CROCC: variants seen among roughly 807,000 people sequenced by gnomAD.
The protein encoded by CROCC is ciliary rootlet coiled-coil, rootletin.
A neutral mutation model predicts 245.2 loss-of-function variants in CROCC; 180 were observed. The ratio of observed to expected loss-of-function variants is 0.73; its 90% CI spans 0.65 to 0.83. The LOEUF (loss-of-function observed/expected upper bound fraction) is 0.83, where lower values mean the gene tolerates loss of function less well. Ranked by LOEUF, CROCC falls within the 40% of genes least tolerant of loss-of-function variation. The probability of loss-of-function intolerance (pLI) is 0.00; values close to 1 mark genes in which losing one functional copy is unlikely to be tolerated. For missense variants in CROCC, 2,688 were observed against 2,779.4 expected, an observed-to-expected ratio of 0.97 and a Z score of 0.74; for synonymous variants, 1,205 against 1,241.6, an observed-to-expected ratio of 0.97 and a Z score of 0.62.
intron 20 of CROCC, 106 bp downstream of exon 20, chr1:16,951,228 T>C (rs1157507565): frequency 9.3e-7 from 1 of 1,072,430 alleles, no homozygotes; most frequent in Admixed American, 3.8e-5. Context: ...TCCTCTCTGT[T>C]GTGGAGGTCC....
intron 3 of CROCC, among the ~76,000 whole-genome samples, chr1:16,926,667 C>A (rs1249333473): frequency 6.6e-5 from 10 of 152,264 alleles, no homozygotes; most frequent in African/African-American, 2.4e-4. Flanking sequence ...CATGGGGGTC[C>A]CCCCTTCTTG....
chr1:16,953,569 G>A lies in CROCC; in HGVS notation c.3186+88G>A, dbSNP rs2076199925. On this transcript the variant is annotated intron_variant, in intron 21 of 36. Transcript: ENST00000375541. ...CTGCTCTGCCACTTGGCAGCTAGGA[G>A]CCCTGGGGCAGGCCACTGCCCTCTT... is the stretch of plus-strand genomic sequence containing the variant. 1.2e-5 allele frequency: 16 copies of A among 1,310,612 alleles called. No individual in the cohort carries two copies. In the South Asian group the frequency reaches 2.3e-4, roughly 19 times the overall value. The allele number at this position is 1,310,612 out of a possible 1,614,324, so 81.2% of individuals were successfully genotyped here. A position where few individuals can be genotyped will look rare whatever the true frequency, so the allele number is the denominator to read the frequency against.
At chr1:16,914,358 G>A (rs1373154875) in intron 1 of CROCC, among the ~76,000 whole-genome samples, 3 of 152,208 alleles carry the variant, frequency 2.0e-5, no homozygotes, top group South Asian at 2.1e-4. Flanking sequence ...GGATTGTCGC[G>A]GGCCGGGGGC....
At chr1:16,952,203 T>A (rs1437371935) in intron 20 of CROCC, among the ~76,000 whole-genome samples, 1 of 136,540 alleles carries the variant, frequency 7.3e-6, no homozygotes, top group Non-Finnish European at 1.6e-5. Flanking sequence ...AGGGGCGGTT[T>A]GGCCGGTCGT....
chr1:16,970,635 G>C lies in CROCC; in HGVS notation c.5653-1G>C. ...TGATCTCCTGTGGCTCTCCTGCCTA[G>C]GTGGAGCGGGAGAAGCTTCGTAGCC... On this transcript the variant is annotated splice_acceptor_variant, in intron 34 of 36. Transcript: ENST00000375541. LOFTEE classifies it high-confidence loss of function. The C allele has an allele frequency of 6.5e-7, 1 of 1,544,464 alleles. No individual in the cohort carries two copies. Among genetic ancestry groups the C allele is most frequent in the Middle Eastern group, 1.8e-4 (1 of 5,670 alleles).
Position 16,930,210 on chromosome 1 carries a change from G to A in CROCC, c.621+3G>A. ...AGCTGGAGCAGCAGCGGCTGAGGGT[G>A]GGTGCCAGTGTGGGGCAGGGGCAGG... is the stretch of plus-strand genomic sequence containing the variant. On this transcript the variant is annotated splice_donor_region_variant and intron_variant, in intron 5 of 36. Transcript: ENST00000375541. The A allele has an allele frequency of 1.3e-6, 2 of 1,588,826 alleles. No individual in the cohort carries two copies. The highest frequency in any genetic ancestry group is 1.7e-6 in the Non-Finnish European group (2 of 1,168,324).
intron 34 of CROCC, 44 bp from the exon 35 acceptor site, chr1:16,970,592 A>G: frequency 1.3e-6 from 2 of 1,497,592 alleles, no homozygotes; most frequent in Non-Finnish European, 1.8e-6. Context: ...CCCCCTCAGT[A>G]AGCTCCTCCT....
At chr1:16,963,697 G>A (rs890838542) in intron 27 of CROCC, among the ~76,000 whole-genome samples, 7 of 142,722 alleles carry the variant, frequency 4.9e-5, no homozygotes, top group African/African-American at 1.3e-4. Context: ...CCACCTCCCC[G>A]GGCCATCACT....
chr1:16,923,464 G>C (rs1279805207), intron 2 of CROCC, among the ~76,000 whole-genome samples: 1 of 152,262 alleles, frequency 6.6e-6, no homozygotes, highest in Non-Finnish European at 1.5e-5. Context: ...TGTATGTCCA[G>C]TTCTCCCAGG....
chr1:16,951,974 C>G (rs544590332), intron 20 of CROCC: 1 of 90,376 alleles, frequency 1.1e-5, no homozygotes, highest in Admixed American at 1.2e-4. Context: ...TCACTGCAAC[C>G]TCCACTTTCT....
intron 3 of CROCC, among the ~76,000 whole-genome samples, chr1:16,928,233 G>T (rs1164004160): frequency 7.3e-4 from 111 of 152,366 alleles, no homozygotes; most frequent in African/African-American, 2.4e-3. Context: ...CTGGGCTGGG[G>T]TGTTGTCGCT....
chr1:16,946,729 C>T (rs1271269903), intron 16 of CROCC, 32 bp from the exon 17 acceptor site: 2 of 1,544,234 alleles, frequency 1.3e-6, no homozygotes, highest in African/African-American at 2.7e-5. Context: ...GGACGCCCTG[C>T]TCACGAGGCC....
At chr1:16,970,794 C>T (rs9435656) in intron 35 of CROCC, 27 bp downstream of exon 35, 1,091,743 of 1,530,120 alleles carry the variant, frequency 0.71, 394,921 homozygotes, top group East Asian at 0.84. Flanking sequence ...TCCGGGACCC[C>T]AACTTCATCC....
chr1:16,955,661 C>T, intron 24 of CROCC, 111 bp downstream of exon 24: 1 of 1,002,728 alleles, frequency 1.0e-6, no homozygotes, highest in Non-Finnish European at 1.4e-6. Flanking sequence ...TCCTCTGTCT[C>T]CTAAGCAGAG....
intron 20 of CROCC, chr1:16,953,085 C>A: frequency 1.8e-6 from 1 of 558,712 alleles, no homozygotes; most frequent in Non-Finnish European, 3.2e-6. Flanking sequence ...CGCAGGGGAC[C>A]ATGTTCGGAC....
At chr1:16,941,756 TC>T (rs1401848603) in intron 13 of CROCC, among the ~76,000 whole-genome samples, 12 of 152,086 alleles carry the variant, frequency 7.9e-5, no homozygotes, top group Non-Finnish European at 1.3e-4. Flanking sequence ...AAGAAAAAAT[TC>T]AGTTCTTTAG....
intron 2 of CROCC, among the ~76,000 whole-genome samples, chr1:16,923,960 G>GTT (rs1369738926): frequency 2.0e-5 from 3 of 152,238 alleles, no homozygotes; most frequent in Non-Finnish European, 4.4e-5. Context: ...GATTACAGGC[G>GTT]TGAGTCCGTG....
intron 20 of CROCC, 98 bp downstream of exon 20, chr1:16,951,220 C>T: frequency 2.6e-6 from 3 of 1,163,196 alleles, no homozygotes; most frequent in Non-Finnish European, 3.4e-6. Flanking sequence ...ATGGGACTTC[C>T]TCTCTGTTGT....
Position 16,970,355 on chromosome 1 carries a change from C to A in CROCC, c.5554C>A (p.Arg1852Ser). Reference protein sequence around the residue: ...LLQERLGSLQRALAQLEAEKR... With the variant: ...LLQERLGSLQSALAQLEAEKR... Reference sequence around the variant, plus strand: ...GCAGGAGCGCCTGGGAAGCCTGCAGCGCGCCCTGGCTCAGCTGGAAGCTGA... The same window carrying A: ...GCAGGAGCGCCTGGGAAGCCTGCAGAGCGCCCTGGCTCAGCTGGAAGCTGA... Residue 1852 changes from arginine to serine, a missense_variant, in exon 34 of 37, where the codon CGC (arginine) becomes AGC (serine). Physicochemically the swap from Arg to Ser is moderately radical, Grantham distance 110. This residue lies in a region of CROCC where 1,218 missense variants were observed against 1,286.3 expected (regional missense o/e 0.95). Transcript: ENST00000375541. 6.3e-7 allele frequency: 1 copy of A among 1,594,802 alleles called. No homozygotes were observed. The highest frequency in any genetic ancestry group is 2.3e-5 in the East Asian group (1 of 43,938).
Sources: allele counts gnomAD v4.1 joint callset (sites outside exome capture counted in the v4.1 genomes callset), GRCh38; gene constraint gnomAD v4.1.1; regional missense constraint gnomAD v4.1.1; transcripts MANE v1.5; gene names NCBI Gene and HGNC (gene_info 2026-07-23, HGNC 2026-07-21).